Variants in TIMM23 observed in about 807,000 individuals in gnomAD.
TIMM23 encodes the protein mitochondrial import inner membrane translocase subunit Tim23.
A neutral mutation model predicts 30.7 loss-of-function variants in TIMM23; 19 were observed. The observed-to-expected ratio is 0.62, with a 90% CI of 0.43 to 0.91. TIMM23 has a LOEUF of 0.91. Ranked by LOEUF, TIMM23 falls within the 40% of genes least tolerant of loss-of-function variation. The pLI, the probability that TIMM23 is intolerant of heterozygous loss-of-function variation, is 0.00. For missense variants in TIMM23, 202 were observed against 269.2 expected, an observed-to-expected ratio of 0.75 and a Z score of 1.75; for synonymous variants, 78 against 98.5, an observed-to-expected ratio of 0.79 and a Z score of 1.23.
At chr10:45,983,039 C>CT (rs1351798731) in intron 4 of TIMM23, 109 bp downstream of exon 4, 6 of 1,435,968 alleles carry the variant, frequency 4.2e-6, no homozygotes, top group Non-Finnish European at 5.8e-6. Flanking sequence ...TAGTTATGTG[C>CT]TTTTTTGTCT....
intron 6 of TIMM23, among the ~76,000 whole-genome samples, chr10:45,995,434 C>G (rs1838299937): frequency 7.0e-6 from 1 of 142,366 alleles, no homozygotes; most frequent in Admixed American, 7.3e-5. Flanking sequence ...ACACCTCCCA[C>G]TCAACTCCAG....
chr10:45,982,251 T>C (rs1435977794), intron 2 of TIMM23, among the ~76,000 whole-genome samples: 7 of 152,260 alleles, frequency 4.6e-5, no homozygotes, highest in African/African-American at 1.7e-4. Context: ...AGCTGTCCTT[T>C]CTAAACACTT....
At chr10:45,998,474 C>G (rs957610884) in intron 6 of TIMM23, 52 of 790,166 alleles carry the variant, frequency 6.6e-5, no homozygotes, top group Non-Finnish European at 7.4e-5. Context: ...CTGTTCAAAG[C>G]AAGTACCTTT....
intron 6 of TIMM23, among the ~76,000 whole-genome samples, chr10:45,999,584 A>G (rs1174894567): frequency 2.6e-5 from 4 of 152,180 alleles, no homozygotes; most frequent in African/African-American, 4.8e-5. Flanking sequence ...CAAGTACTTC[A>G]CAAGGTAATA....
rs1161990914 is a variant in TIMM23, at chr10:45,986,804, CGT to C, written c.403+1382_403+1383del. On this transcript the variant is annotated intron_variant, in intron 5 of 6. Coordinates refer to ENST00000580018, the MANE Select transcript of TIMM23 (RefSeq NM_006327.4). ...TCTATTTTTTCTTATACTAGAAATA[CGT>C]GTGTGTGTGTGTGTGTGTATGTGTG... is the stretch of plus-strand genomic sequence containing the variant. 3.7e-3 allele frequency among the ~76,000 whole-genome samples: 559 copies of C among 149,438 alleles called. 4 individuals carry two copies. The highest frequency in any genetic ancestry group is 0.028 in the South Asian group (130 of 4,710).
At chr10:45,998,463 T>G in intron 6 of TIMM23, 1 of 885,816 alleles carries the variant, frequency 1.1e-6, no homozygotes, top group Non-Finnish European at 1.4e-6. Context: ...ATTTGGTTAC[T>G]CTGTTCAAAG....
At chr10:45,984,491 A>AT (rs1837942831) in intron 4 of TIMM23, 1 of 152,344 alleles carries the variant, frequency 6.6e-6, no homozygotes, top group Non-Finnish European at 1.5e-5. Context: ...AACATTACTG[A>AT]TTTTTTAAAA....
intron 2 of TIMM23, among the ~76,000 whole-genome samples, chr10:45,981,134 TC>T (rs1303795356): frequency 6.7e-6 from 1 of 149,658 alleles, no homozygotes; most frequent in African/African-American, 2.5e-5. Context: ...AGACGGGGTT[TC>T]ACCATGTTGC....
At chr10:45,987,230 G>A (rs1304905066) in intron 5 of TIMM23, among the ~76,000 whole-genome samples, 1 of 145,888 alleles carries the variant, frequency 6.9e-6, no homozygotes, top group Non-Finnish European at 1.5e-5. Flanking sequence ...TGACTTTTGT[G>A]TTGAAAAAAA....
chr10:45,984,620 G>T, intron 4 of TIMM23: 1 of 165,146 alleles, frequency 6.1e-6, no homozygotes, highest in Non-Finnish European at 1.3e-5. Context: ...TCCAGCAGTA[G>T]TCAGCTGTCT....
chr10:46,002,913 T>A lies in TIMM23; in HGVS notation c.515-290T>A, dbSNP rs537150156. 6.9e-4 allele frequency among the ~76,000 whole-genome samples: 99 copies of A among 143,586 alleles called. 1 individual carries two copies. Among genetic ancestry groups the A allele is most frequent in the South Asian group, 4.9e-3 (20 of 4,092 alleles). The allele number at this position is 143,586 out of a possible 152,430, so 94.2% of individuals were successfully genotyped here. ...ATCTCAGCTCACTGCAACCTCAGCC[T>A]CCTGGGTTCAAGTGATTATCCTGCC... On this transcript the variant is annotated intron_variant, in intron 6 of 6. Coordinates refer to ENST00000580018, the MANE Select transcript of TIMM23 (RefSeq NM_006327.4).
At chr10:45,987,718 G>A (rs1196202463) in intron 5 of TIMM23, among the ~76,000 whole-genome samples, 8 of 142,768 alleles carry the variant, frequency 5.6e-5, no homozygotes, top group Non-Finnish European at 1.2e-4. Context: ...GCTTAAGCAA[G>A]CCTCCCACCT....
chr10:46,002,965 A>G (rs1426390949), intron 6 of TIMM23, among the ~76,000 whole-genome samples: 1 of 151,884 alleles, frequency 6.6e-6, no homozygotes, highest in Non-Finnish European at 1.5e-5. Flanking sequence ...TGGGACTATA[A>G]GCACACATCA....
At chr10:45,976,442 T>C (rs1837675097) in intron 2 of TIMM23, among the ~76,000 whole-genome samples, 1 of 140,476 alleles carries the variant, frequency 7.1e-6, no homozygotes, top group African/African-American at 2.7e-5. Context: ...AAAACGCTGT[T>C]TCTACTAAAA....
intron 2 of TIMM23, among the ~76,000 whole-genome samples, chr10:45,977,153 C>T (rs1459211762): frequency 1.3e-5 from 2 of 149,232 alleles, no homozygotes; most frequent in African/African-American, 5.0e-5. Flanking sequence ...ATTAAAATGG[C>T]AGTGCTCACC....
At chr10:45,996,211 CA>C (rs1298855742) in intron 6 of TIMM23, among the ~76,000 whole-genome samples, 3 of 143,128 alleles carry the variant, frequency 2.1e-5, no homozygotes, top group African/African-American at 8.5e-5. Flanking sequence ...AATACAAAAA[CA>C]TTATCCGGGC....
intron 6 of TIMM23, among the ~76,000 whole-genome samples, chr10:45,993,356 G>A (rs1314254788): frequency 1.3e-5 from 2 of 150,136 alleles, no homozygotes; most frequent in Non-Finnish European, 1.5e-5. Flanking sequence ...GAGTTCGAGC[G>A]ATTCTCCTGC....
chr10:45,978,626 AAAAG>A (rs1837747771), intron 2 of TIMM23, among the ~76,000 whole-genome samples: 2 of 152,196 alleles, frequency 1.3e-5, no homozygotes, highest in Non-Finnish European at 2.9e-5. Flanking sequence ...ACTATAATCA[AAAAG>A]AAAATAATGA....
At chr10:45,998,200 C>A (rs1005752259) in intron 6 of TIMM23, 2 of 196,534 alleles carry the variant, frequency 1.0e-5, no homozygotes, top group Non-Finnish European at 1.8e-5. Flanking sequence ...ACTATCTGGC[C>A]CTTTTAAAAA....
Sources: gnomAD v4.1 joint callset for allele counts (sites outside exome capture counted in the v4.1 genomes callset) on GRCh38, gnomAD v4.1.1 for gene constraint, MANE v1.5 for transcripts, NCBI Gene and HGNC (gene_info 2026-07-23, HGNC 2026-07-21) for gene names.